Variants in EPRS1 observed in about 807,000 individuals in gnomAD.
EPRS1 encodes glutamyl-prolyl-tRNA synthetase 1.
EPRS1 carries 107 observed loss-of-function variants against 188.3 expected under a neutral mutation model. That is an observed-to-expected ratio of 0.57 (90% confidence interval 0.49 to 0.67). The LOEUF (loss-of-function observed/expected upper bound fraction) is 0.67, where lower values mean the gene tolerates loss of function less well. EPRS1 is among the 30% of genes least tolerant of loss of function. EPRS1 has a pLI of 0.00. For synonymous variants in EPRS1, 596 were observed against 593.1 expected (o/e 1.00, Z -0.07); for missense variants, 1,577 against 1,802.2 (o/e 0.88, Z 2.26).
At chr1:220,037,256 G>A (rs1662200078) in intron 2 of EPRS1, among the ~76,000 whole-genome samples, 1 of 152,142 alleles carries the variant, frequency 6.6e-6, no homozygotes, top group African/African-American at 2.4e-5. Flanking sequence ...TGTGATCCCA[G>A]CACTTTGGGA....
chr1:219,978,189 G>A (rs940847287), intron 28 of EPRS1, among the ~76,000 whole-genome samples: 21 of 152,168 alleles, frequency 1.4e-4, no homozygotes, highest in Admixed American at 1.4e-3. Context: ...GCTAAGTGAT[G>A]TCCATGTACT....
chr1:219,990,765 G>T (rs1449334097), intron 18 of EPRS1, among the ~76,000 whole-genome samples: 2 of 152,166 alleles, frequency 1.3e-5, no homozygotes, highest in East Asian at 3.8e-4. Flanking sequence ...CAAATGGATG[G>T]AGAACAAATT....
chr1:220,015,519 A>C (rs909994692), intron 12 of EPRS1, among the ~76,000 whole-genome samples: 3 of 69,824 alleles, frequency 4.3e-5, no homozygotes, highest in African/African-American at 1.5e-4. Flanking sequence ...AGAAAATAAA[A>C]GATGGAAAGG....
chr1:220,006,668 G>A (rs904200893), intron 14 of EPRS1, among the ~76,000 whole-genome samples: 1 of 152,084 alleles, frequency 6.6e-6, no homozygotes, highest in Non-Finnish European at 1.5e-5. Context: ...AAAACATTTG[G>A]CAGTTACTTG....
rs372626505 is a variant in EPRS1, at chr1:219,984,236, T to C, written c.3060A>G (p.Lys1020=). The C allele has an allele frequency of 6.2e-7, 1 of 1,612,512 alleles. No homozygotes were observed. Among genetic ancestry groups the C allele is most frequent in the Non-Finnish European group, 8.5e-7 (1 of 1,178,746 alleles). ...KQTRLGLEAK[K]EENLADWYSQ... ...AATACCAATCAGCAAGATTTTCTTCTTTTTTTGCCTCAAGACCCAACCTGC... is the reference window on the plus strand; with the variant it reads ...AATACCAATCAGCAAGATTTTCTTCCTTTTTTGCCTCAAGACCCAACCTGC... Residue 1020 remains lysine, a synonymous_variant, in exon 21 of 32, where the codon AAA becomes AAG. Transcript: ENST00000366923.
At chr1:219,998,398 A>G (rs535070632) in intron 17 of EPRS1, among the ~76,000 whole-genome samples, 1 of 152,276 alleles carries the variant, frequency 6.6e-6, no homozygotes, top group Admixed American at 6.5e-5. Flanking sequence ...TTCCTTCCCC[A>G]TAATTCCTTA....
intron 23 of EPRS1, among the ~76,000 whole-genome samples, chr1:219,982,192 C>G (rs904687073): frequency 6.6e-6 from 1 of 152,126 alleles, no homozygotes; most frequent in Non-Finnish European, 1.5e-5. Flanking sequence ...TTGAAAGACA[C>G]TGTAAAGCCC....
Position 219,973,368 on chromosome 1 carries a change from G to A in EPRS1, c.4114C>T (p.Arg1372Cys), listed in dbSNP as rs113334654. 7.4e-6 allele frequency: 12 copies of A among 1,611,586 alleles called. No individual in the cohort carries two copies. The highest frequency in any genetic ancestry group is 6.7e-5 in the African/African-American group (5 of 74,224). Reference protein sequence around the residue: ...GVPIRLEVGPRDMKSCQFVAV... With the variant: ...GVPIRLEVGPCDMKSCQFVAV... Reference sequence around the variant, plus strand: ...ACAAACTGACAGCTCTTCATATCACGTGGCCCAACTTCAAGTCTAATGGGA... The same window carrying A: ...ACAAACTGACAGCTCTTCATATCACATGGCCCAACTTCAAGTCTAATGGGA... Residue 1372 changes from arginine to cysteine, a missense_variant, in exon 29 of 32, where the codon CGT becomes TGT. Physicochemically the swap from Arg to Cys is radical, Grantham distance 180. This residue lies in a region of EPRS1 where 296 missense variants were observed against 327.9 expected (regional missense o/e 0.90). Coordinates refer to ENST00000366923, the MANE Select transcript of EPRS1 (RefSeq NM_004446.3).
At position 220,004,896 on chromosome 1, in the gene EPRS1, T is replaced by C. The variant is rs1467818752; in HGVS notation, c.2063+352A>G. Reference sequence around the variant, plus strand: ...CTAAATGTATGCTGTTTGTACCATTTATCTAGTGAAAATACACTACAAAGA... The same window carrying C: ...CTAAATGTATGCTGTTTGTACCATTCATCTAGTGAAAATACACTACAAAGA... On this transcript the variant is annotated intron_variant, in intron 16 of 31. Coordinates refer to ENST00000366923, the MANE Select transcript of EPRS1 (RefSeq NM_004446.3). Among the ~76,000 whole-genome samples, 5 of 152,280 alleles carry C rather than the reference T, an allele frequency of 3.3e-5. No individual in the cohort carries two copies. In the East Asian group the frequency reaches 9.6e-4, roughly 29 times the overall value.
intron 14 of EPRS1, 99 bp downstream of exon 14, chr1:220,007,103 G>T: frequency 9.5e-7 from 1 of 1,047,900 alleles, no homozygotes; most frequent in Non-Finnish European, 1.3e-6. Context: ...TTACTAGTCA[G>T]CAACATGTAT....
At chr1:219,995,783 T>G (rs1661219557) in intron 18 of EPRS1, among the ~76,000 whole-genome samples, 1 of 152,164 alleles carries the variant, frequency 6.6e-6, no homozygotes, top group African/African-American at 2.4e-5. Context: ...CAAATATTCA[T>G]GAATCAAAGT....
At chr1:220,034,411 A>G (rs993702212) in intron 3 of EPRS1, among the ~76,000 whole-genome samples, 1 of 152,168 alleles carries the variant, frequency 6.6e-6, no homozygotes. Context: ...AAACTGCCTA[A>G]TAACACATTT....
chr1:220,022,553 C>G, intron 8 of EPRS1, 35 bp from the exon 9 acceptor site: 15 of 1,509,630 alleles, frequency 9.9e-6, no homozygotes, highest in Non-Finnish European at 1.4e-5. Flanking sequence ...GTTCACTAAT[C>G]TGGTTAAATT....
At chr1:220,022,761 T>G (rs568536947) in intron 8 of EPRS1, among the ~76,000 whole-genome samples, 14 of 152,298 alleles carry the variant, frequency 9.2e-5, no homozygotes, top group African/African-American at 3.4e-4. Context: ...ATCAATACAT[T>G]CCACTCATGT....
In EPRS1 at chr1:220,006,237, C is replaced by T. The variant is rs2102580421; in HGVS notation, c.1819G>A (p.Val607Ile). 2.5e-6 allele frequency: 4 copies of T among 1,601,006 alleles called. No homozygotes were observed. The highest frequency in any genetic ancestry group is 3.4e-6 in the Non-Finnish European group (4 of 1,172,662). Reference sequence around the variant, plus strand: ...TGTGTAGTCTCTGCAAGCCAAGTGACCTTAGTGGTTTTCTTGTAGTCTTTG... The same window carrying T: ...TGTGTAGTCTCTGCAAGCCAAGTGATCTTAGTGGTTTTCTTGTAGTCTTTG... ...ENKDYKKTTK[V>I]TWLAETTHAL... Residue 607 changes from valine (V) to isoleucine (I), a missense_variant, in exon 15 of 32, where the codon GTC (valine) becomes ATC (isoleucine). Transcript: ENST00000366923.
At chr1:219,976,060 G>A (rs1356324510) in intron 28 of EPRS1, among the ~76,000 whole-genome samples, 2 of 152,116 alleles carry the variant, frequency 1.3e-5, no homozygotes, top group African/African-American at 4.8e-5. Flanking sequence ...CAAGCAGCAA[G>A]GAAGTGCTTA....
In EPRS1 at chr1:219,968,959, G is replaced by T; in HGVS notation, c.4389-3C>A. ...CACCAGGTTCAAGATCTTGATCCCTGAAATTAATAACAAATAAGAATTCCA... is the reference window on the plus strand; with the variant it reads ...CACCAGGTTCAAGATCTTGATCCCTTAAATTAATAACAAATAAGAATTCCA... On this transcript the variant is annotated splice_polypyrimidine_tract_variant and splice_region_variant and intron_variant, in intron 31 of 31. Coordinates refer to ENST00000366923, the MANE Select transcript of EPRS1 (RefSeq NM_004446.3). The T allele has an allele frequency of 6.2e-7, 1 of 1,613,888 alleles. No individual in the cohort carries two copies. Among genetic ancestry groups the T allele is most frequent in the South Asian group, 1.1e-5 (1 of 91,068 alleles).
chr1:219,970,085 G>A (rs1200822654), intron 30 of EPRS1, among the ~76,000 whole-genome samples: 2 of 152,164 alleles, frequency 1.3e-5, no homozygotes, highest in Non-Finnish European at 2.9e-5. Context: ...GCCTCCCAAA[G>A]TGCTGGGATT....
chr1:220,031,441 A>G (rs906296126), intron 5 of EPRS1, among the ~76,000 whole-genome samples: 2 of 152,234 alleles, frequency 1.3e-5, no homozygotes, highest in Non-Finnish European at 2.9e-5. Flanking sequence ...AACAAAGTGC[A>G]GTAGCACTGA....
Sources: gnomAD v4.1 joint callset for allele counts (sites outside exome capture counted in the v4.1 genomes callset) on GRCh38, gnomAD v4.1.1 for gene constraint, gnomAD v4.1.1 regional missense constraint, MANE v1.5 for transcripts, NCBI Gene and HGNC (gene_info 2026-07-23, HGNC 2026-07-21) for gene names.